SLC6A6: variants seen among roughly 807,000 people sequenced by gnomAD.
The protein encoded by SLC6A6 is solute carrier family 6 member 6, also known as sodium- and chloride-dependent taurine transporter.
A neutral mutation model predicts 68.8 loss-of-function variants in SLC6A6; 16 were observed. The ratio of observed to expected loss-of-function variants is 0.23; its 90% CI spans 0.16 to 0.35. SLC6A6 has a LOEUF of 0.35. Among genes scored for constraint, SLC6A6 ranks in the 10% least tolerant of loss-of-function variants. The pLI is 1.00. For missense variants in SLC6A6, 474 were observed against 802.8 expected, an observed-to-expected ratio of 0.59 and a Z score of 4.95; for synonymous variants, 312 against 315.4, an observed-to-expected ratio of 0.99 and a Z score of 0.12.
intron 2 of SLC6A6, among the ~76,000 whole-genome samples, chr3:14,442,959 T>C (rs988833519): frequency 6.6e-5 from 10 of 152,212 alleles, no homozygotes; most frequent in African/African-American, 2.4e-4. Context: ...CTGCTAGAGA[T>C]GTGACTGGTT....
intron 6 of SLC6A6, among the ~76,000 whole-genome samples, chr3:14,461,778 C>T (rs927482420): frequency 7.2e-5 from 11 of 152,350 alleles, no homozygotes; most frequent in African/African-American, 2.4e-4. Context: ...CCCTCACCAA[C>T]AGCCAGGGCG....
At chr3:14,475,341 T>G (rs1479625138) in intron 10 of SLC6A6, among the ~76,000 whole-genome samples, 1 of 148,824 alleles carries the variant, frequency 6.7e-6, no homozygotes, top group Non-Finnish European at 1.5e-5. Context: ...TGGGACATGG[T>G]TTTTTTTAAC....
chr3:14,415,763 T>G (rs987776010), intron 1 of SLC6A6, among the ~76,000 whole-genome samples: 2 of 152,148 alleles, frequency 1.3e-5, no homozygotes, highest in East Asian at 3.9e-4. Flanking sequence ...CGGGACTGCT[T>G]GGCTCAGCAA....
At chr3:14,415,099 T>C (rs1242913215) in intron 1 of SLC6A6, among the ~76,000 whole-genome samples, 1 of 152,228 alleles carries the variant, frequency 6.6e-6, no homozygotes, top group African/African-American at 2.4e-5. Context: ...TGGCCTCTCA[T>C]GTGCCCAGCC....
rs963213545 is a variant in SLC6A6 at position 14,468,342 on chromosome 3, C to G, written c.1096+130C>G. Reference sequence around the variant, plus strand: ...GCCTGGTTTCTAAAATGGACCCCCCCCCCGCCACCAAGATATCCCCCAAAT... The same window carrying G: ...GCCTGGTTTCTAAAATGGACCCCCCGCCCGCCACCAAGATATCCCCCAAAT... On this transcript the variant is annotated intron_variant, in intron 9 of 14. Coordinates refer to ENST00000622186, the MANE Select transcript of SLC6A6 (RefSeq NM_003043.6). The surrounding 1 kb of genome is among the most constrained non-coding windows in gnomAD (Gnocchi z 4.5). 18 of 735,424 alleles carry G rather than the reference C, an allele frequency of 2.4e-5. No individual in the cohort carries two copies. The highest frequency in any genetic ancestry group is 9.2e-5 in the East Asian group (3 of 32,706). 45.6% of individuals were successfully genotyped at this position (735,424 alleles called of 1,614,324 possible). A position where few individuals can be genotyped will look rare whatever the true frequency, so the allele number is the denominator to read the frequency against.
intron 10 of SLC6A6, among the ~76,000 whole-genome samples, chr3:14,476,963 G>C (rs532291917): frequency 6.6e-6 from 1 of 152,374 alleles, no homozygotes; most frequent in Non-Finnish European, 1.5e-5. Context: ...TATTTGGCCA[G>C]CTCGGTGTGG....
rs1700788006 is a variant in SLC6A6 at position 14,472,953 on chromosome 3, T to C, written c.1209+636T>C. ...CGCCCTGACCTCTGGCTGTCCTGGC[T>C]TCTCCCCTCCCAAGGCAGGACTCCT... On this transcript the variant is annotated intron_variant, in intron 10 of 14. Transcript: ENST00000622186. The surrounding 1 kb of genome is among the most constrained non-coding windows in gnomAD (Gnocchi z 4.5). Among the ~76,000 whole-genome samples the C allele has an allele frequency of 6.6e-6, 1 of 152,190 alleles. No homozygotes were observed. The highest frequency in any genetic ancestry group is 1.5e-5 in the Non-Finnish European group (1 of 68,028).
intron 2 of SLC6A6, among the ~76,000 whole-genome samples, chr3:14,422,489 T>C (rs1326801094): frequency 6.6e-6 from 1 of 152,138 alleles, no homozygotes; most frequent in African/African-American, 2.4e-5. Flanking sequence ...TGCGGATCTC[T>C]CCTCTGAGCT....
chr3:14,423,783 A>G (rs9867229), intron 2 of SLC6A6, among the ~76,000 whole-genome samples: 11,786 of 152,244 alleles, frequency 0.077, 1,555 homozygotes, highest in African/African-American at 0.27. Flanking sequence ...AAAATACCAA[A>G]TGTGTCTTAT....
At chr3:14,475,720 G>GT (rs1700863275) in intron 10 of SLC6A6, among the ~76,000 whole-genome samples, 1 of 152,162 alleles carries the variant, frequency 6.6e-6, no homozygotes, top group Non-Finnish European at 1.5e-5. Context: ...AAGAACCTTT[G>GT]TTTTTAGCTC....
At chr3:14,451,306 CT>C (rs1274028129) in intron 5 of SLC6A6, among the ~76,000 whole-genome samples, 35 of 152,354 alleles carry the variant, frequency 2.3e-4, no homozygotes, top group African/African-American at 7.2e-4. Context: ...CTCTCTCTGG[CT>C]CACTTCCCCA....
intron 7 of SLC6A6, 106 bp from the exon 8 acceptor site, chr3:14,467,747 C>G: frequency 1.5e-6 from 1 of 661,440 alleles, no homozygotes; most frequent in Non-Finnish European, 2.7e-6. Flanking sequence ...GTGCAAGGTC[C>G]CGTCCCCAGG....
intron 2 of SLC6A6, among the ~76,000 whole-genome samples, chr3:14,438,182 G>T (rs932098485): frequency 1.3e-5 from 2 of 151,338 alleles, no homozygotes; most frequent in Admixed American, 1.3e-4. Flanking sequence ...AGGGTAGAAT[G>T]GTTGCCACAA....
rs1311127982 is a variant in SLC6A6, at chr3:14,488,293, T to G, written c.*3286T>G. On this transcript the variant is annotated 3_prime_UTR_variant, in exon 15 of 15. Transcript: ENST00000622186. ...CCTGGGCCATGTGCAGCTCCTTCAC[T>G]GCCCCCTGGATCCCCAGCATACCCC... The G allele has an allele frequency of 6.6e-6, 1 of 152,552 alleles. No homozygotes were observed. Among genetic ancestry groups the G allele is most frequent in the African/African-American group, 2.4e-5 (1 of 41,392 alleles). 9.4% of individuals were successfully genotyped at this position (152,552 alleles called of 1,614,324 possible). A position where few individuals can be genotyped will look rare whatever the true frequency, so the allele number is the denominator to read the frequency against.
At chr3:14,455,572 G>T (rs892812077) in intron 5 of SLC6A6, among the ~76,000 whole-genome samples, 8 of 152,218 alleles carry the variant, frequency 5.3e-5, no homozygotes, top group African/African-American at 1.9e-4. Context: ...ACAGACAGGG[G>T]CTCTACAGTG....
In SLC6A6 at chr3:14,472,755, C is replaced by CCA. The variant is rs1405498195; in HGVS notation, c.1209+441_1209+442dup. The stretch of plus-strand genomic sequence containing the variant: ...CAGATGGGCGATTCGGAGAAGGGAC[C>CCA]CACATTTCTGTGTGAGCTGATCATT... On this transcript the variant is annotated intron_variant, in intron 10 of 14. Transcript: ENST00000622186. This position sits in a 1 kb window ranked among gnomAD's most constrained non-coding sequence, Gnocchi z 4.5. Among the ~76,000 whole-genome samples the CCA allele has an allele frequency of 6.6e-6, 1 of 152,142 alleles. No individual in the cohort carries two copies. The highest frequency in any genetic ancestry group is 1.5e-5 in the Non-Finnish European group (1 of 68,020).
chr3:14,427,485 C>G (rs1432289984), intron 2 of SLC6A6, among the ~76,000 whole-genome samples: 5 of 152,192 alleles, frequency 3.3e-5, no homozygotes, highest in Non-Finnish European at 7.3e-5. Flanking sequence ...CTTCCCAGGC[C>G]TCTGTCTGCT....
intron 2 of SLC6A6, among the ~76,000 whole-genome samples, chr3:14,437,758 G>T (rs1462205172): frequency 6.6e-6 from 1 of 151,722 alleles, no homozygotes; most frequent in African/African-American, 2.4e-5. Context: ...TTTTTGACCA[G>T]CAATTCCCCA....
intron 4 of SLC6A6, 114 bp downstream of exon 4, chr3:14,445,965 T>C: frequency 9.6e-7 from 1 of 1,036,308 alleles, no homozygotes; most frequent in Non-Finnish European, 1.4e-6. Context: ...CACTTAGCTC[T>C]ATGCTGACAC....
Sources: allele counts gnomAD v4.1 joint callset (sites outside exome capture counted in the v4.1 genomes callset), GRCh38; gene constraint gnomAD v4.1.1; non-coding constraint Gnocchi (gnomAD v3.1); transcripts MANE v1.5; gene names NCBI Gene and HGNC (gene_info 2026-07-23, HGNC 2026-07-21).